APBA2: variants seen among roughly 807,000 people sequenced by gnomAD.
APBA2 encodes amyloid beta precursor protein binding family A member 2, also known as amyloid-beta A4 precursor protein-binding family A member 2.
Under a neutral mutation model 75.0 loss-of-function variants are expected in APBA2, and 30 were observed. That is an observed-to-expected ratio of 0.40 (90% CI 0.30 to 0.54). The LOEUF is 0.54. Ranked by LOEUF, APBA2 falls within the 20% of genes least tolerant of loss-of-function variation. The pLI is 0.49. For missense variants in APBA2, 801 were observed against 1,016.1 expected, an observed-to-expected ratio of 0.79 and a Z score of 2.88; for synonymous variants, 444 against 409.6, an observed-to-expected ratio of 1.08 and a Z score of -1.01.
rs554013023 is a variant in APBA2 at position 29,002,011 on chromosome 15, C to T, written c.-41+6205C>T. 3.7e-4 allele frequency among the ~76,000 whole-genome samples: 56 copies of T among 152,226 alleles called. 2 individuals are homozygous for T. The highest frequency in any genetic ancestry group is 1.2e-3 in the African/African-American group (51 of 41,546). On this transcript the variant is annotated intron_variant, in intron 3 of 14. Transcript: ENST00000683413. Reference sequence around the variant, plus strand: ...CAAACTATATTCTGAGGATTCCCAGCGGATGTTCTTGAATATAATAGTCCC... The same window carrying T: ...CAAACTATATTCTGAGGATTCCCAGTGGATGTTCTTGAATATAATAGTCCC...
At chr15:28,930,423 G>C (rs945033896) in intron 2 of APBA2, among the ~76,000 whole-genome samples, 1 of 152,116 alleles carries the variant, frequency 6.6e-6, no homozygotes, top group Non-Finnish European at 1.5e-5. Flanking sequence ...GCTTTCTGTC[G>C]TTCTAAGGCA....
intron 2 of APBA2, among the ~76,000 whole-genome samples, chr15:28,987,753 T>TATATATAA (rs1479386386): frequency 7.3e-6 from 1 of 136,534 alleles, no homozygotes; most frequent in African/African-American, 2.9e-5. Context: ...TATATATATA[T>TATATATAA]TCTTTTTTTT....
chr15:29,090,801 A>G (rs1328574327), intron 6 of APBA2, among the ~76,000 whole-genome samples: 2 of 152,118 alleles, frequency 1.3e-5, no homozygotes, highest in Admixed American at 6.5e-5. Flanking sequence ...GGGGACGGCA[A>G]GGTGGTGTGA....
intron 1 of APBA2, among the ~76,000 whole-genome samples, chr15:28,899,398 G>A (rs567419576): frequency 3.5e-4 from 53 of 152,340 alleles, no homozygotes; most frequent in East Asian, 1.7e-3. Flanking sequence ...GGGCCATGTC[G>A]CTGACTTCAG....
chr15:29,099,289 G>T (rs538919947), intron 9 of APBA2, among the ~76,000 whole-genome samples: 1 of 152,270 alleles, frequency 6.6e-6, no homozygotes, highest in East Asian at 1.9e-4. Flanking sequence ...TGGTTTGGAG[G>T]ACTGACAGGA....
chr15:29,005,012 A>G (rs897826415), intron 3 of APBA2, among the ~76,000 whole-genome samples: 3 of 151,964 alleles, frequency 2.0e-5, no homozygotes, highest in Admixed American at 6.6e-5. Flanking sequence ...TTCTGATTCC[A>G]TGGTTTTTGG....
At chr15:28,926,746 T>G (rs35149489) in intron 2 of APBA2, among the ~76,000 whole-genome samples, 5,617 of 152,190 alleles carry the variant, frequency 0.037, 261 homozygotes, top group East Asian at 0.21. Flanking sequence ...GTTTGCCTGA[T>G]AAACTATTTC....
Position 28,886,021 on chromosome 15 carries a change from G to C in APBA2, c.-462G>C, listed in dbSNP as rs1304188115. The C allele has an allele frequency of 6.7e-6, 1 of 149,652 alleles. No homozygotes were observed. The highest frequency in any genetic ancestry group is 6.7e-5 in the Admixed American group (1 of 15,026). 9.3% of individuals were successfully genotyped at this position (149,652 alleles called of 1,614,324 possible). ...CGGAAGCGGCCGGGGCGGGGGCGCAGGCCCGGCAGCCGCAGGCCGGTGCGG... is the reference window on the plus strand; with the variant it reads ...CGGAAGCGGCCGGGGCGGGGGCGCACGCCCGGCAGCCGCAGGCCGGTGCGG... On this transcript the variant is annotated 5_prime_UTR_variant, in exon 1 of 15. Coordinates refer to ENST00000683413, the MANE Select transcript of APBA2 (RefSeq NM_001353788.2).
chr15:29,116,992 C>T, intron 14 of APBA2, 70 bp from the exon 15 acceptor site: 1 of 1,528,524 alleles, frequency 6.5e-7, no homozygotes, highest in Admixed American at 1.7e-5. Flanking sequence ...TGCCTCTGTC[C>T]TTTGCTTTCA....
intron 3 of APBA2, among the ~76,000 whole-genome samples, chr15:29,011,752 G>C (rs535791913): frequency 4.9e-4 from 74 of 152,166 alleles, no homozygotes; most frequent in Admixed American, 9.2e-4. Flanking sequence ...GTGTCTAATA[G>C]ACATAAATTT....
chr15:29,020,940 T>C (rs1302028234), intron 3 of APBA2, among the ~76,000 whole-genome samples: 4 of 152,130 alleles, frequency 2.6e-5, no homozygotes, highest in Admixed American at 6.5e-5. Context: ...TGTCTGTTAC[T>C]GCGGCACGAA....
At chr15:29,071,846 G>A (rs536352776) in intron 4 of APBA2, among the ~76,000 whole-genome samples, 1 of 152,044 alleles carries the variant, frequency 6.6e-6, no homozygotes, top group African/African-American at 2.4e-5. Context: ...ACGCTGTTAT[G>A]GAGGAAAGGT....
At chr15:28,964,241 C>A (rs1257674991) in intron 2 of APBA2, among the ~76,000 whole-genome samples, 3 of 152,224 alleles carry the variant, frequency 2.0e-5, no homozygotes, top group Non-Finnish European at 4.4e-5. Context: ...AAACTATTTT[C>A]CAGAGTGGCT....
At chr15:29,052,005 T>C (rs1335490413) in intron 3 of APBA2, among the ~76,000 whole-genome samples, 1 of 152,204 alleles carries the variant, frequency 6.6e-6, no homozygotes, top group Non-Finnish European at 1.5e-5. Flanking sequence ...ATAAAAAATT[T>C]AGCATTTTAA....
chr15:28,934,196 C>G (rs536166352), intron 2 of APBA2, among the ~76,000 whole-genome samples: 1 of 152,128 alleles, frequency 6.6e-6, no homozygotes, highest in Admixed American at 6.5e-5. Flanking sequence ...GTCCTGGGGC[C>G]GGTGCCACTG....
chr15:29,024,354 C>G (rs992236556), intron 3 of APBA2, among the ~76,000 whole-genome samples: 2 of 152,188 alleles, frequency 1.3e-5, no homozygotes, highest in Admixed American at 6.5e-5. Flanking sequence ...ACATTTAATA[C>G]CCAGTCTATG....
chr15:28,983,209 C>T (rs979684621), intron 2 of APBA2, among the ~76,000 whole-genome samples: 1 of 152,198 alleles, frequency 6.6e-6, no homozygotes, highest in Non-Finnish European at 1.5e-5. Context: ...TGCAGCCCAG[C>T]CGCCGTCTCC....
At chr15:29,071,321 C>T (rs73370223) in intron 4 of APBA2, among the ~76,000 whole-genome samples, 7,792 of 152,016 alleles carry the variant, frequency 0.051, 495 homozygotes, top group African/African-American at 0.15. Flanking sequence ...CCCTGAGTCC[C>T]GTGTGCTGTG....
rs537113987 is a variant in APBA2, at chr15:29,072,334, C to T, written c.952-2587C>T. Among the ~76,000 whole-genome samples the T allele has an allele frequency of 9.9e-5, 15 of 152,264 alleles. No individual in the cohort carries two copies. In the South Asian group the frequency reaches 2.7e-3, roughly 27 times the overall value. ...TTCAGACAAGTGGGTAAAATACCGA[C>T]GTGTGCTATGTGCACCTTGAAATAG... On this transcript the variant is annotated intron_variant, in intron 4 of 14. Transcript: ENST00000683413.
Sources: allele counts gnomAD v4.1 joint callset (sites outside exome capture counted in the v4.1 genomes callset), GRCh38; gene constraint gnomAD v4.1.1; transcripts MANE v1.5; gene names NCBI Gene and HGNC (gene_info 2026-07-23, HGNC 2026-07-21).